The following CAPN7 variants were observed in gnomAD, a reference collection of about 807,000 sequenced individuals.
CAPN7 encodes the protein calpain-7.
In CAPN7, 72 loss-of-function variants were observed where a neutral mutation model predicts 115.2. The observed-to-expected ratio is 0.63, with a 90% CI of 0.52 to 0.76. The LOEUF (loss-of-function observed/expected upper bound fraction) is 0.76, where lower values mean the gene tolerates loss of function less well. Among genes scored for constraint, CAPN7 ranks in the 30% least tolerant of loss-of-function variants. The pLI is 0.00. For missense variants in CAPN7, 905 were observed against 971.5 expected (o/e 0.93, Z 0.91); for synonymous variants, 344 against 322.3 (o/e 1.07, Z -0.72).
intron 2 of CAPN7, among the ~76,000 whole-genome samples, chr3:15,216,976 A>G (rs776111752): frequency 2.0e-5 from 3 of 151,658 alleles, no homozygotes; most frequent in Non-Finnish European, 2.9e-5. Context: ...GGTGGCTCAC[A>G]CCTGTAATCC....
intron 1 of CAPN7, chr3:15,211,038 C>A: frequency 1.5e-6 from 1 of 660,790 alleles, no homozygotes; most frequent in Non-Finnish European, 1.9e-6. Flanking sequence ...CATAACTGGT[C>A]GTGGAAGTTA....
chr3:15,231,498 TAAATC>T (rs1466290682), intron 9 of CAPN7, among the ~76,000 whole-genome samples: 1 of 152,258 alleles, frequency 6.6e-6, no homozygotes, highest in African/African-American at 2.4e-5. Flanking sequence ...CTATTGGTGT[TAAATC>T]AAAATTCTTA....
At chr3:15,240,317 G>A (rs990003500) in intron 12 of CAPN7, among the ~76,000 whole-genome samples, 156 bp from the exon 13 acceptor site, 6 of 152,188 alleles carry the variant, frequency 3.9e-5, no homozygotes, top group Non-Finnish European at 5.9e-5. Flanking sequence ...GTTTTTGATC[G>A]ATGTATGACC....
chr3:15,230,679 A>G (rs1694632432), intron 9 of CAPN7, 144 bp downstream of exon 9: 3 of 514,692 alleles, frequency 5.8e-6, no homozygotes, highest in Admixed American at 6.6e-5. Context: ...TACCAGTAGC[A>G]TCATGTGTTA....
intron 10 of CAPN7, 107 bp downstream of exon 10, chr3:15,232,772 A>C: frequency 1.1e-6 from 1 of 923,214 alleles, no homozygotes; most frequent in Non-Finnish European, 1.6e-6. Flanking sequence ...GAAAGAGAGC[A>C]GATTATCAAC....
rs1172557013 is a variant in CAPN7, at chr3:15,206,479, C to T, written c.-17C>T. On this transcript the variant is annotated 5_prime_UTR_variant, in exon 1 of 21. Transcript: ENST00000253693. Reference sequence around the variant, plus strand: ...GTCAGGGCCTCCTTCCCTGCCCCGGCGCGGGGCCACTGCGCCATGGACGCC... The same window carrying T: ...GTCAGGGCCTCCTTCCCTGCCCCGGTGCGGGGCCACTGCGCCATGGACGCC... 4 of 1,533,130 alleles carry T rather than the reference C, an allele frequency of 2.6e-6. No homozygotes were observed. Among genetic ancestry groups the T allele is most frequent in the Non-Finnish European group, 3.5e-6 (4 of 1,136,722 alleles). 95.0% of individuals were successfully genotyped at this position (1,533,130 alleles called of 1,614,324 possible). A position where few individuals can be genotyped will look rare whatever the true frequency, so the allele number is the denominator to read the frequency against.
chr3:15,247,058 T>A (rs576189848), intron 18 of CAPN7, among the ~76,000 whole-genome samples: 13 of 152,276 alleles, frequency 8.5e-5, no homozygotes, highest in Middle Eastern at 3.4e-3. Flanking sequence ...CATTTGAGAC[T>A]AACTGCAGGG....
intron 19 of CAPN7, among the ~76,000 whole-genome samples, chr3:15,248,019 C>T (rs988122294): frequency 6.8e-6 from 1 of 146,258 alleles, no homozygotes; most frequent in Non-Finnish European, 1.5e-5. Context: ...ACTCTGGGGA[C>T]TGTTGTGGGG....
In CAPN7 at chr3:15,240,191, T is replaced by C. The variant is rs147055531; in HGVS notation, c.1408-282T>C. ...CTAGCTACCTGTGGTCATTTAACAT[T>C]TGAAATGTGGCTGCTGTGACTAAGG... is the stretch of plus-strand genomic sequence containing the variant. On this transcript the variant is annotated intron_variant, in intron 12 of 20. Coordinates refer to ENST00000253693, the MANE Select transcript of CAPN7 (RefSeq NM_014296.3). Among the ~76,000 whole-genome samples the C allele has an allele frequency of 7.2e-5, 11 of 152,334 alleles. No individual in the cohort carries two copies. In the East Asian group the frequency reaches 2.1e-3, roughly 29 times the overall value.
chr3:15,240,358 G>A, intron 12 of CAPN7, 115 bp from the exon 13 acceptor site: 1 of 959,152 alleles, frequency 1.0e-6, no homozygotes, highest in Non-Finnish European at 1.6e-6. Context: ...TTAATTTCAA[G>A]TTGATTTGAG....
At chr3:15,220,428 C>A (rs1199916422) in intron 4 of CAPN7, among the ~76,000 whole-genome samples, 1 of 152,020 alleles carries the variant, frequency 6.6e-6, no homozygotes, top group Non-Finnish European at 1.5e-5. Context: ...GCATGTAATA[C>A]TTTCATCCTA....
Position 15,227,904 on chromosome 3 carries a change from C to A in CAPN7, c.791C>A (p.Pro264Gln). The part of the protein sequence containing the change: ...QKTTFSKWVR[P>Q]EDLTNNPTMI... ...ACTACATTTTCCAAGTGGGTACGAC[C>A]AGAAGACCTCACCAACAATCCTACA... The change falls in exon 7 of 21, where the codon CCA becomes CAA. Residue 264 changes from proline to glutamine, a missense_variant. Around this residue, in one of 3 missense-constraint regions of CAPN7, gnomAD observed 620 missense variants for 703.4 expected, o/e 0.88. Transcript: ENST00000253693. 1 of 1,550,364 alleles carries A rather than the reference C, an allele frequency of 6.5e-7. No individual in the cohort carries two copies. The highest frequency in any genetic ancestry group is 8.7e-7 in the Non-Finnish European group (1 of 1,146,392).
chr3:15,223,413 T>G, intron 5 of CAPN7, 62 bp from the exon 6 acceptor site: 1 of 1,010,960 alleles, frequency 9.9e-7, no homozygotes, highest in Non-Finnish European at 1.6e-6. Context: ...TTTAAAGAGT[T>G]GAAATAAGAT....
At chr3:15,249,946 G>GTA (rs1695904357) in intron 19 of CAPN7, among the ~76,000 whole-genome samples, 1 of 151,536 alleles carries the variant, frequency 6.6e-6, no homozygotes, top group Non-Finnish European at 1.5e-5. Flanking sequence ...TGTATTTTTG[G>GTA]TAGAGACGGG....
intron 6 of CAPN7, among the ~76,000 whole-genome samples, chr3:15,224,516 A>T (rs780976460): frequency 2.0e-5 from 3 of 151,962 alleles, no homozygotes; most frequent in Admixed American, 6.6e-5. Context: ...CAAGTGATCC[A>T]TCTGCCTCAG....
chr3:15,239,320 A>G (rs541554401), intron 12 of CAPN7, among the ~76,000 whole-genome samples: 1 of 152,340 alleles, frequency 6.6e-6, no homozygotes, highest in East Asian at 1.9e-4. Flanking sequence ...TCATTAGAAA[A>G]AGTACACAAT....
At chr3:15,239,456 T>C (rs1287674690) in intron 12 of CAPN7, among the ~76,000 whole-genome samples, 1 of 152,228 alleles carries the variant, frequency 6.6e-6, no homozygotes, top group Non-Finnish European at 1.5e-5. Context: ...TACCTTTACA[T>C]TCTGTTCCAT....
intron 2 of CAPN7, among the ~76,000 whole-genome samples, chr3:15,215,410 C>T (rs1207042481): frequency 2.0e-5 from 3 of 152,182 alleles, no homozygotes; most frequent in African/African-American, 4.8e-5. Context: ...TAGCCTATTC[C>T]CAGAGTTGTG....
chr3:15,209,755 G>A (rs759015111), intron 1 of CAPN7, among the ~76,000 whole-genome samples: 65 of 152,252 alleles, frequency 4.3e-4, no homozygotes, highest in Middle Eastern at 6.8e-3. Flanking sequence ...TTTTATTAAA[G>A]CAAAAGAAAC....
Sources: gnomAD v4.1 joint callset for allele counts (sites outside exome capture counted in the v4.1 genomes callset) on GRCh38, gnomAD v4.1.1 for gene constraint, gnomAD v4.1.1 regional missense constraint, MANE v1.5 for transcripts, NCBI Gene and HGNC (gene_info 2026-07-23, HGNC 2026-07-21) for gene names.